INTS6: variants seen among roughly 807,000 people sequenced by gnomAD.
INTS6 encodes the protein integrator complex subunit 6.
INTS6 carries 16 observed loss-of-function variants against 104.9 expected under a neutral mutation model. That is an observed-to-expected ratio of 0.15 (90% CI 0.10 to 0.23). The LOEUF is 0.23. Among genes scored for constraint, INTS6 ranks in the 10% least tolerant of loss-of-function variants. The probability of loss-of-function intolerance (pLI) is 1.00; values close to 1 mark genes in which losing one functional copy is unlikely to be tolerated. For synonymous variants in INTS6, 324 were observed against 358.7 expected, an observed-to-expected ratio of 0.90 and a Z score of 1.09; for missense variants, 584 against 1,062.8, an observed-to-expected ratio of 0.55 and a Z score of 6.26.
chr13:51,402,693 ACTGTC>A (rs1205862358), intron 4 of INTS6: 4 of 152,130 alleles, frequency 2.6e-5, no homozygotes, highest in Non-Finnish European at 5.9e-5. Flanking sequence ...ATTTGGGAAG[ACTGTC>A]CTATTTTTCC....
chr13:51,412,442 G>C (rs139580618), intron 4 of INTS6, among the ~76,000 whole-genome samples: 1 of 152,276 alleles, frequency 6.6e-6, no homozygotes, highest in African/African-American at 2.4e-5. Flanking sequence ...ATTGTACCAT[G>C]CTGCCTCCTT....
At chr13:51,411,254 TAAGC>T (rs1382544601) in intron 4 of INTS6, among the ~76,000 whole-genome samples, 40 of 148,914 alleles carry the variant, frequency 2.7e-4, no homozygotes, top group Non-Finnish European at 4.9e-4. Context: ...AATAAATAAA[TAAGC>T]AAGCAAGCAC....
rs142545429 is a variant in INTS6 at position 51,387,395 on chromosome 13, C to T, written c.885G>A (p.Ser295=). ...AGTCTCTGGTACTTACTAGTGTTGG[C>T]GAATTTTGATCTGGCCAAAAAGACT... ...VPESFWPDQN[S]PTLPPRTSHP... The change falls in exon 7 of 18, where the codon TCG becomes TCA. Residue 295 remains serine, a synonymous_variant. Transcript: ENST00000311234. 7.3e-5 allele frequency: 117 copies of T among 1,609,554 alleles called. No individual in the cohort carries two copies. Among genetic ancestry groups the T allele is most frequent in the Non-Finnish European group, 9.0e-5 (106 of 1,177,744 alleles).
In INTS6 at chr13:51,383,477, G is replaced by T. The variant is rs200909317; in HGVS notation, c.1048-16C>A. ...TCACGTACACCTGTTAAAAAGGAGC[G>T]GTTAAAACTTTAATAACCTTTAAAG... On this transcript the variant is annotated splice_polypyrimidine_tract_variant and intron_variant, in intron 8 of 17. Transcript: ENST00000311234. 1 of 1,609,016 alleles carries T rather than the reference G, an allele frequency of 6.2e-7. No homozygotes were observed. The highest frequency in any genetic ancestry group is 8.5e-7 in the Non-Finnish European group (1 of 1,178,216).
chr13:51,421,939 CA>C (rs1159207166), intron 4 of INTS6, among the ~76,000 whole-genome samples: 1 of 152,042 alleles, frequency 6.6e-6, no homozygotes, highest in African/African-American at 2.4e-5. Context: ...ATGTTCATAT[CA>C]TATGTCCTTA....
intron 15 of INTS6, among the ~76,000 whole-genome samples, chr13:51,370,659 C>T (rs1192622817): frequency 3.9e-5 from 6 of 152,178 alleles, no homozygotes. Flanking sequence ...GACAGGATAA[C>T]TGCACGGCCC....
chr13:51,403,580 T>C (rs111998082), intron 4 of INTS6, among the ~76,000 whole-genome samples: 4 of 23,450 alleles, frequency 1.7e-4, no homozygotes, highest in African/African-American at 8.5e-4. Flanking sequence ...AGACTCCATT[T>C]CAAAAAAAAA....
At chr13:51,388,813 G>A (rs1956192278) in intron 6 of INTS6, among the ~76,000 whole-genome samples, 1 of 152,190 alleles carries the variant, frequency 6.6e-6, no homozygotes, top group African/African-American at 2.4e-5. Context: ...CATGATTACA[G>A]AAGCCAAGAA....
At position 51,382,095 on chromosome 13, in the gene INTS6, T is replaced by C; in HGVS notation, c.1209A>G (p.Lys403=). ...ATGACTGTCTCCACTTCAATGTTGG[T>C]TTTGCTTTATGCACTTTAAACAAGT... ...LDDLFKVHKA[K]PTLKWRQSFE... Residue 403 remains lysine (K), a synonymous_variant, in exon 10 of 18, where the codon AAA becomes AAG. Transcript: ENST00000311234. 6.2e-7 allele frequency: 1 copy of C among 1,611,366 alleles called. No homozygotes were observed. The highest frequency in any genetic ancestry group is 8.5e-7 in the Non-Finnish European group (1 of 1,178,392).
chr13:51,423,521 G>A (rs1956932612), intron 4 of INTS6, among the ~76,000 whole-genome samples: 1 of 151,992 alleles, frequency 6.6e-6, no homozygotes, highest in African/African-American at 2.4e-5. Flanking sequence ...CCTCATATAT[G>A]GGGTCTAAGG....
intron 4 of INTS6, among the ~76,000 whole-genome samples, chr13:51,413,524 A>G (rs1198990204): frequency 6.6e-6 from 1 of 152,236 alleles, no homozygotes; most frequent in Non-Finnish European, 1.5e-5. Context: ...CTGAAACTCA[A>G]AATGAGCAAA....
At chr13:51,384,547 C>T (rs1235391252) in intron 7 of INTS6, 6 of 444,636 alleles carry the variant, frequency 1.3e-5, no homozygotes, top group African/African-American at 1.2e-4. Context: ...TCTGCTGTAT[C>T]TAACTACCCA....
At position 51,362,012 on chromosome 13, in the gene INTS6, C is replaced by T. The variant is rs538467855; in HGVS notation, c.*3740G>A. 2.4e-5 allele frequency: 38 copies of T among 1,606,864 alleles called. No homozygotes were observed. The highest frequency in any genetic ancestry group is 1.7e-4 in the Middle Eastern group (1 of 6,042). ...ATTCTTTCTAGCTGTTTTTATGGTG[C>T]TTCAGAAGCTACCCAGTTGCTATCT... On this transcript the variant is annotated 3_prime_UTR_variant, in exon 18 of 18. Coordinates refer to ENST00000311234, the MANE Select transcript of INTS6 (RefSeq NM_012141.3).
intron 4 of INTS6, among the ~76,000 whole-genome samples, chr13:51,411,783 A>G (rs997493425): frequency 3.9e-5 from 6 of 152,116 alleles, no homozygotes; most frequent in African/African-American, 1.4e-4. Context: ...AGCTAGATAT[A>G]TACTTATCAT....
At chr13:51,428,316 C>CT (rs927843705) in intron 4 of INTS6, among the ~76,000 whole-genome samples, 10 of 147,474 alleles carry the variant, frequency 6.8e-5, no homozygotes, top group Admixed American at 2.0e-4. Flanking sequence ...TTTAAAATGA[C>CT]TTTTTTTTTC....
At chr13:51,387,587 G>T in intron 6 of INTS6, 47 bp from the exon 7 acceptor site, 3 of 1,417,052 alleles carry the variant, frequency 2.1e-6, no homozygotes, top group Non-Finnish European at 2.8e-6. Flanking sequence ...CATAAGGGGG[G>T]ATAAGCATAA....
At chr13:51,422,264 C>T (rs1278450931) in intron 4 of INTS6, among the ~76,000 whole-genome samples, 2 of 152,060 alleles carry the variant, frequency 1.3e-5, no homozygotes, top group Admixed American at 6.6e-5. Context: ...CACATAGATG[C>T]CCAAGTTGGA....
Position 51,365,025 on chromosome 13 carries a change from G to C in INTS6, c.*727C>G, listed in dbSNP as rs1408760827. On this transcript the variant is annotated 3_prime_UTR_variant, in exon 18 of 18. Coordinates refer to ENST00000311234, the MANE Select transcript of INTS6 (RefSeq NM_012141.3). ...TCTAGGCAGAAATGGGAGTATGTTG[G>C]CATGGCCAACAAAAACTACGAACAT... The C allele has an allele frequency of 1.3e-5, 2 of 152,486 alleles. No individual in the cohort carries two copies. The highest frequency in any genetic ancestry group is 2.9e-5 in the Non-Finnish European group (2 of 67,968). The allele number at this position is 152,486 out of a possible 1,614,324, so 9.4% of individuals were successfully genotyped here.
the INTS6 span, chr13:51,348,499 C>A: frequency 2.8e-6 from 3 of 1,065,312 alleles, no homozygotes; most frequent in South Asian, 1.5e-5. Flanking sequence ...CCTCCAGGGT[C>A]TGTGCTTAGC....
Sources: allele counts gnomAD v4.1 joint callset (sites outside exome capture counted in the v4.1 genomes callset), GRCh38; gene constraint gnomAD v4.1.1; transcripts MANE v1.5; gene names NCBI Gene and HGNC (gene_info 2026-07-23, HGNC 2026-07-21).